Variants in SPATA16 observed in about 807,000 individuals in gnomAD.
The protein encoded by SPATA16 is spermatogenesis-associated protein 16.
In SPATA16, 36 loss-of-function variants were observed where a neutral mutation model predicts 63.3. The ratio of observed to expected loss-of-function variants is 0.57; its 90% confidence interval spans 0.44 to 0.75. The LOEUF (loss-of-function observed/expected upper bound fraction) is 0.75, where lower values mean the gene tolerates loss of function less well. Ranked by LOEUF, SPATA16 falls within the 30% of genes least tolerant of loss-of-function variation. SPATA16 has a pLI of 0.00. For synonymous variants in SPATA16, 203 were observed against 216.7 expected, an observed-to-expected ratio of 0.94 and a Z score of 0.56; for missense variants, 646 against 679.3, an observed-to-expected ratio of 0.95 and a Z score of 0.54.
intron 5 of SPATA16, among the ~76,000 whole-genome samples, chr3:172,969,747 G>C (rs1295655111): frequency 2.0e-5 from 3 of 152,106 alleles, no homozygotes; most frequent in African/African-American, 7.2e-5. Context: ...CCTTTGTCTT[G>C]GCTTTGTAGT....
intron 4 of SPATA16, among the ~76,000 whole-genome samples, chr3:172,999,935 T>G (rs1734778192): frequency 6.6e-6 from 1 of 152,222 alleles, no homozygotes; most frequent in Non-Finnish European, 1.5e-5. Context: ...CTGTTGATGT[T>G]GAGTTTAACT....
At chr3:173,102,134 TC>T in intron 2 of SPATA16, among the ~76,000 whole-genome samples, 1 of 152,306 alleles carries the variant, frequency 6.6e-6, no homozygotes, top group South Asian at 2.1e-4. Context: ...CCTACTCACC[TC>T]CTATATAATT....
intron 8 of SPATA16, among the ~76,000 whole-genome samples, chr3:172,917,039 A>G (rs1180305907): frequency 6.6e-6 from 1 of 152,098 alleles, no homozygotes; most frequent in African/African-American, 2.4e-5. Context: ...CTTTTTGACT[A>G]GCTTCCCTCT....
intron 5 of SPATA16, among the ~76,000 whole-genome samples, chr3:172,976,013 C>T (rs1734151716): frequency 6.6e-6 from 1 of 151,956 alleles, no homozygotes; most frequent in Non-Finnish European, 1.5e-5. Flanking sequence ...ACATCTTATT[C>T]TGGTTGGTTC....
In SPATA16 at chr3:173,059,816, C is replaced by G. The variant is rs1449893559; in HGVS notation, c.613-10722G>C. 4.0e-5 allele frequency among the ~76,000 whole-genome samples: 5 copies of G among 126,228 alleles called. 1 individual carries two copies. In the South Asian group the frequency reaches 1.3e-3, roughly 34 times the overall value. 82.8% of individuals were successfully genotyped at this position (126,228 alleles called of 152,430 possible). ...AATGAACTCCTCTGGATAAATGTCTCTATCCCATTTGGTAGCTTTTTTTTT... is the reference window on the plus strand; with the variant it reads ...AATGAACTCCTCTGGATAAATGTCTGTATCCCATTTGGTAGCTTTTTTTTT... On this transcript the variant is annotated intron_variant, in intron 2 of 10. Coordinates refer to ENST00000351008, the MANE Select transcript of SPATA16 (RefSeq NM_031955.6).
At chr3:172,987,539 C>T (rs1734484793) in intron 4 of SPATA16, among the ~76,000 whole-genome samples, 1 of 152,164 alleles carries the variant, frequency 6.6e-6, no homozygotes. Context: ...CAATCTTGAA[C>T]ATGGATCCTG....
chr3:173,134,314 G>T (rs750420163), intron 1 of SPATA16, among the ~76,000 whole-genome samples: 11 of 151,978 alleles, frequency 7.2e-5, no homozygotes, highest in Non-Finnish European at 1.5e-4. Flanking sequence ...CTAGTGGGAG[G>T]TGTTTGAGTC....
intron 1 of SPATA16, among the ~76,000 whole-genome samples, chr3:173,140,678 T>A (rs1738688150): frequency 6.6e-6 from 1 of 152,196 alleles, no homozygotes; most frequent in Admixed American, 6.5e-5. Flanking sequence ...AAATGTGAAC[T>A]CTGAATTAGC....
intron 2 of SPATA16, among the ~76,000 whole-genome samples, chr3:173,088,503 G>A (rs569537527): frequency 1.1e-4 from 16 of 151,344 alleles, no homozygotes; most frequent in Non-Finnish European, 2.1e-4. Context: ...TTACACATAT[G>A]TGTGTATTTA....
Position 173,111,350 on chromosome 3 carries a change from C to G in SPATA16, c.612+5770G>C, listed in dbSNP as rs532693085. 5.5e-4 allele frequency among the ~76,000 whole-genome samples: 84 copies of G among 152,252 alleles called. 1 individual carries two copies. The East Asian group carries it at 0.016, about 29-fold the overall frequency. On this transcript the variant is annotated intron_variant, in intron 2 of 10. Transcript: ENST00000351008. ...ACTTGAACCCAGGAGGCAGAGCTTA[C>G]AGTGAGCCGAGATCGTACCACTGCA... is the stretch of plus-strand genomic sequence containing the variant.
chr3:173,073,628 A>G (rs927352674), intron 2 of SPATA16, among the ~76,000 whole-genome samples: 3 of 152,232 alleles, frequency 2.0e-5, no homozygotes, highest in African/African-American at 7.2e-5. Context: ...TAGAGGATGT[A>G]TGGAAATGCC....
At chr3:172,900,026 G>A (rs962575321) in intron 10 of SPATA16, among the ~76,000 whole-genome samples, 3 of 152,058 alleles carry the variant, frequency 2.0e-5, no homozygotes, top group Non-Finnish European at 4.4e-5. Flanking sequence ...TTTGCTTACT[G>A]TGTTCTCTCA....
chr3:173,131,965 TA>T (rs1047478549), intron 1 of SPATA16, among the ~76,000 whole-genome samples: 3 of 150,466 alleles, frequency 2.0e-5, no homozygotes, highest in South Asian at 2.1e-4. Context: ...AGATAACAAT[TA>T]AAAAAAAACA....
At chr3:173,076,159 T>G (rs1042352613) in intron 2 of SPATA16, among the ~76,000 whole-genome samples, 1 of 151,978 alleles carries the variant, frequency 6.6e-6, no homozygotes, top group Non-Finnish European at 1.5e-5. Context: ...TATGGTGTAT[T>G]TCTATTTATA....
At chr3:172,928,073 C>G (rs1205144207) in intron 6 of SPATA16, among the ~76,000 whole-genome samples, 1 of 151,982 alleles carries the variant, frequency 6.6e-6, no homozygotes, top group African/African-American at 2.4e-5. Context: ...CCACACCCAG[C>G]TAATTTTGTA....
At chr3:172,974,409 C>T (rs1734110114) in intron 5 of SPATA16, among the ~76,000 whole-genome samples, 1 of 151,900 alleles carries the variant, frequency 6.6e-6, no homozygotes, top group African/African-American at 2.4e-5. Flanking sequence ...TTCTTGAAGT[C>T]ATCAGTGAAA....
At chr3:172,920,322 T>C (rs773109463) in intron 8 of SPATA16, among the ~76,000 whole-genome samples, 4 of 152,212 alleles carry the variant, frequency 2.6e-5, no homozygotes, top group Non-Finnish European at 5.9e-5. Flanking sequence ...TCCTAAACCA[T>C]AGTTCCAAAG....
intron 2 of SPATA16, among the ~76,000 whole-genome samples, chr3:173,069,806 C>T (rs1163857009): frequency 6.6e-6 from 1 of 152,114 alleles, no homozygotes; most frequent in Non-Finnish European, 1.5e-5. Flanking sequence ...TAGAATTTAT[C>T]CCTGTGATGC....
chr3:173,113,905 C>A (rs770276812), intron 2 of SPATA16, among the ~76,000 whole-genome samples: 1 of 152,120 alleles, frequency 6.6e-6, no homozygotes. Flanking sequence ...CTCTGCTGGG[C>A]GCAGTGGCTC....
Sources: allele counts gnomAD v4.1 joint callset (sites outside exome capture counted in the v4.1 genomes callset), GRCh38; gene constraint gnomAD v4.1.1; transcripts MANE v1.5; gene names NCBI Gene and HGNC (gene_info 2026-07-23, HGNC 2026-07-21).